THADA: variants seen among roughly 807,000 people sequenced by gnomAD.
The protein encoded by THADA is THADA armadillo repeat containing, also known as tRNA (32-2'-O)-methyltransferase regulator THADA.
THADA carries 213 observed loss-of-function variants against 219.8 expected under a neutral mutation model. That is an observed-to-expected ratio of 0.97 (90% CI 0.87 to 1.09). THADA has a LOEUF of 1.09. Among genes scored for constraint, THADA ranks in the 50% least tolerant of loss-of-function variants. THADA has a pLI of 0.00. For missense variants in THADA, 2,956 were observed against 2,311.3 expected (o/e 1.28, Z -5.72); for synonymous variants, 1,018 against 828.9 (o/e 1.23, Z -3.92).
chr2:43,475,524 G>A (rs1466094564), intron 26 of THADA, among the ~76,000 whole-genome samples: 6 of 150,452 alleles, frequency 4.0e-5, no homozygotes, highest in African/African-American at 9.8e-5. Context: ...GGTGAAATTC[G>A]AAAGTGAATT....
chr2:43,543,031 C>G (rs1221495451), intron 20 of THADA, among the ~76,000 whole-genome samples: 8 of 125,870 alleles, frequency 6.4e-5, no homozygotes, highest in Non-Finnish European at 1.3e-4. Flanking sequence ...CCCCTCCCCC[C>G]ACCCCACAAC....
intron 26 of THADA, among the ~76,000 whole-genome samples, chr2:43,436,713 A>G (rs1157090738): frequency 2.6e-5 from 4 of 152,210 alleles, no homozygotes; most frequent in Non-Finnish European, 5.9e-5. Context: ...TTTGGACTAA[A>G]CTAGAAACTT....
At chr2:43,576,712 T>C (rs1481090863) in intron 10 of THADA, among the ~76,000 whole-genome samples, 2 of 152,216 alleles carry the variant, frequency 1.3e-5, no homozygotes, top group East Asian at 3.8e-4. Flanking sequence ...TTGAGTGCAG[T>C]GGCACAATCA....
intron 34 of THADA, 127 bp from the exon 35 acceptor site, chr2:43,287,188 T>G: frequency 1.3e-6 from 1 of 784,572 alleles, no homozygotes; most frequent in African/African-American, 1.7e-5. Flanking sequence ...GAAAGTTGTT[T>G]TTTAGTTGCT....
chr2:43,261,300 T>C (rs937294865), intron 36 of THADA, among the ~76,000 whole-genome samples: 14 of 144,144 alleles, frequency 9.7e-5, no homozygotes, highest in Non-Finnish European at 2.1e-4. Context: ...CTCGGCTCAC[T>C]GCAACTTCCA....
At chr2:43,287,820 A>G (rs1339390924) in intron 34 of THADA, among the ~76,000 whole-genome samples, 1 of 152,194 alleles carries the variant, frequency 6.6e-6, no homozygotes, top group Non-Finnish European at 1.5e-5. Context: ...TTTGGGAGTA[A>G]CAGGTGATTA....
intron 31 of THADA, among the ~76,000 whole-genome samples, chr2:43,311,807 A>G (rs1677540449): frequency 6.6e-6 from 1 of 152,234 alleles, no homozygotes; most frequent in Non-Finnish European, 1.5e-5. Flanking sequence ...GACTTTCAAA[A>G]ACTACTTGCA....
chr2:43,371,708 A>C (rs1432353379), intron 29 of THADA, among the ~76,000 whole-genome samples: 2 of 152,186 alleles, frequency 1.3e-5, no homozygotes, highest in African/African-American at 4.8e-5. Context: ...AAATAAATTA[A>C]ACCTTCACAG....
intron 25 of THADA, chr2:43,486,737 G>A (rs1686964745): frequency 6.6e-6 from 1 of 152,176 alleles, no homozygotes; most frequent in South Asian, 2.1e-4. Context: ...GCTGCCATGA[G>A]GAAATATAAG....
chr2:43,502,888 G>A (rs1220823224), intron 24 of THADA, among the ~76,000 whole-genome samples: 2 of 151,924 alleles, frequency 1.3e-5, no homozygotes, highest in Non-Finnish European at 2.9e-5. Context: ...CAAAAATGAA[G>A]GGACAAATAA....
At chr2:43,302,016 C>T (rs1676320789) in intron 31 of THADA, among the ~76,000 whole-genome samples, 1 of 151,732 alleles carries the variant, frequency 6.6e-6, no homozygotes, top group Non-Finnish European at 1.5e-5. Context: ...CTTTAGCAGA[C>T]TGTAATTTTT....
At chr2:43,544,659 T>C (rs1252510867) in intron 20 of THADA, among the ~76,000 whole-genome samples, 1 of 151,296 alleles carries the variant, frequency 6.6e-6, no homozygotes, top group Non-Finnish European at 1.5e-5. Flanking sequence ...AGTTCACTCA[T>C]GATTTGGCTC....
intron 31 of THADA, among the ~76,000 whole-genome samples, chr2:43,310,674 T>G (rs1489638832): frequency 6.6e-6 from 1 of 152,170 alleles, no homozygotes; most frequent in African/African-American, 2.4e-5. Context: ...TGACTTTGGA[T>G]TAGGCAATTA....
intron 36 of THADA, among the ~76,000 whole-genome samples, chr2:43,261,441 C>G (rs1198786466): frequency 6.7e-6 from 1 of 149,542 alleles, no homozygotes; most frequent in African/African-American, 2.5e-5. Flanking sequence ...CTGGTTTGTG[C>G]TTTTTTTTGT....
At chr2:43,356,362 T>TAATA (rs1668871648) in intron 29 of THADA, among the ~76,000 whole-genome samples, 1 of 152,160 alleles carries the variant, frequency 6.6e-6, no homozygotes, top group South Asian at 2.1e-4. Context: ...TCATGTTTTA[T>TAATA]AATCAGCAGG....
intron 21 of THADA, among the ~76,000 whole-genome samples, chr2:43,540,319 C>G (rs528367072): frequency 2.0e-5 from 3 of 152,222 alleles, no homozygotes; most frequent in East Asian, 3.9e-4. Flanking sequence ...CAGCTGTTAA[C>G]CAGATGCATG....
At chr2:43,327,964 T>G (rs1679527368) in intron 30 of THADA, among the ~76,000 whole-genome samples, 1 of 152,204 alleles carries the variant, frequency 6.6e-6, no homozygotes, top group African/African-American at 2.4e-5. Context: ...CAGCTGTCCA[T>G]GGACCAGATA....
chr2:43,309,692 A>T (rs887612601), intron 31 of THADA, among the ~76,000 whole-genome samples: 1 of 152,200 alleles, frequency 6.6e-6, no homozygotes, highest in Admixed American at 6.5e-5. Flanking sequence ...CTAACATCAT[A>T]CTTAATGGTA....
chr2:43,565,532 A>C (rs1265560958), intron 15 of THADA: 1 of 152,236 alleles, frequency 6.6e-6, no homozygotes, highest in East Asian at 1.9e-4. Context: ...TTCAGAATAA[A>C]AACTTTTAAA....
Sources: gnomAD v4.1 joint callset for allele counts (sites outside exome capture counted in the v4.1 genomes callset) on GRCh38, gnomAD v4.1.1 for gene constraint, MANE v1.5 for transcripts, NCBI Gene and HGNC (gene_info 2026-07-23, HGNC 2026-07-21) for gene names.